The following ZNF280B variants were observed in gnomAD, a reference collection of about 807,000 sequenced individuals.
ZNF280B encodes suppressor of hairy wing homolog 2.
Under a neutral mutation model 38.0 loss-of-function variants are expected in ZNF280B, and 16 were observed. The observed-to-expected ratio is 0.42, with a 90% CI of 0.28 to 0.64. The LOEUF (loss-of-function observed/expected upper bound fraction) is 0.64. ZNF280B is among the 30% of genes least tolerant of loss of function. The pLI, the probability that ZNF280B is intolerant of heterozygous loss-of-function variation, is 0.21. For missense variants in ZNF280B, 581 were observed against 639.6 expected, an observed-to-expected ratio of 0.91 and a Z score of 0.99; for synonymous variants, 253 against 230.6, an observed-to-expected ratio of 1.10 and a Z score of -0.88.
rs770262454 is a variant in ZNF280B, at chr22:22,489,224, T to C, written c.175A>G (p.Asn59Asp). Residue 59 changes from asparagine to aspartate, a missense_variant, in exon 4 of 4, where the codon AAC (asparagine) becomes GAC (aspartate). Asn to Asp is a conservative substitution (Grantham distance 23, BLOSUM62 1). Transcript: ENST00000626650. The part of the protein sequence containing the change: ...VTSNSKPVVS[N>D]ILNRVTPGSW... ...CCCGGGGTGACTCTGTTCAAAATGT[T>C]TGAAACGACTGGTTTTGAATTTGAA... The C allele has an allele frequency of 8.7e-6, 14 of 1,613,742 alleles. No individual in the cohort carries two copies. Among genetic ancestry groups the C allele is most frequent in the Admixed American group, 1.7e-5 (1 of 59,956 alleles).
chr22:22,507,196 CA>C (rs1241140308), intron 2 of ZNF280B, among the ~76,000 whole-genome samples: 1 of 151,928 alleles, frequency 6.6e-6, no homozygotes, highest in African/African-American at 2.4e-5. Flanking sequence ...CAGAGACTGA[CA>C]ATCCAGCCAA....
chr22:22,501,436 C>T (rs141526421), intron 2 of ZNF280B, among the ~76,000 whole-genome samples: 98 of 151,646 alleles, frequency 6.5e-4, no homozygotes, highest in East Asian at 1.8e-3. Context: ...TGGTGGCACG[C>T]GCCTGTAATC....
At chr22:22,504,160 A>G (rs1235587686) in intron 2 of ZNF280B, among the ~76,000 whole-genome samples, 1 of 151,984 alleles carries the variant, frequency 6.6e-6, no homozygotes, top group Non-Finnish European at 1.5e-5. Context: ...CAGGCCGGGC[A>G]TGGTGGCTCA....
At chr22:22,494,742 T>G (rs949018725) in intron 2 of ZNF280B, among the ~76,000 whole-genome samples, 1 of 151,850 alleles carries the variant, frequency 6.6e-6, no homozygotes, top group Admixed American at 6.6e-5. Flanking sequence ...GATCATTGTT[T>G]TTTGTTTTTT....
chr22:22,501,035 A>AAAAAAAAAAAAAC (rs2061810962), intron 2 of ZNF280B, among the ~76,000 whole-genome samples: 4 of 140,298 alleles, frequency 2.9e-5, no homozygotes, highest in Non-Finnish European at 4.6e-5. Flanking sequence ...AAAAAAAAAA[A>AAAAAAAAAAAAAC]AAAAAACAAA....
intron 2 of ZNF280B, among the ~76,000 whole-genome samples, chr22:22,501,384 G>A (rs556712990): frequency 6.6e-6 from 1 of 151,662 alleles, no homozygotes; most frequent in South Asian, 2.1e-4. Flanking sequence ...GGCCAACATA[G>A]CAAAACCCTG....
In ZNF280B at chr22:22,488,999, C is replaced by A; in HGVS notation, c.400G>T (p.Val134Leu). 1 of 1,613,794 alleles carries A rather than the reference C, an allele frequency of 6.2e-7. No homozygotes were observed. The highest frequency in any genetic ancestry group is 1.1e-5 in the South Asian group (1 of 91,048). Reference sequence around the variant, plus strand: ...GGTAATTCTGAAGAGTTATTAGGCACAACTTGTGGTGAACTATTTCTATAA... The same window carrying A: ...GGTAATTCTGAAGAGTTATTAGGCAAAACTTGTGGTGAACTATTTCTATAA... ...PDYRNSSPQV[V>L]PNNSSELPSP... Residue 134 changes from valine (V) to leucine (L), a missense_variant, in exon 4 of 4, where the codon GTG becomes TTG. By Grantham distance (32) the Val-to-Leu change is conservative (BLOSUM62 1). Transcript: ENST00000626650.
Position 22,484,452 on chromosome 22 carries a change from TGATA to T in ZNF280B, c.*3311_*3314del, listed in dbSNP as rs1403610849. 1.3e-5 allele frequency: 2 copies of T among 152,420 alleles called. No homozygotes were observed. The highest frequency in any genetic ancestry group is 2.1e-4 in the South Asian group (1 of 4,826). 9.4% of individuals were successfully genotyped at this position (152,420 alleles called of 1,614,324 possible). On this transcript the variant is annotated 3_prime_UTR_variant, in exon 4 of 4. Coordinates refer to ENST00000626650, the MANE Select transcript of ZNF280B (RefSeq NM_080764.4). The stretch of plus-strand genomic sequence containing the variant: ...TCACAAAACATTTTATTACTATAAT[TGATA>T]TTTTACTTATAATTTTTGGCAACAT...
chr22:22,493,222 T>A (rs1453901458), intron 3 of ZNF280B, among the ~76,000 whole-genome samples: 1 of 151,888 alleles, frequency 6.6e-6, no homozygotes, highest in Non-Finnish European at 1.5e-5. Flanking sequence ...ATGGCCAGGA[T>A]GGTCTTCATC....
intron 2 of ZNF280B, among the ~76,000 whole-genome samples, chr22:22,494,773 G>A (rs1409586527): frequency 2.6e-5 from 4 of 151,858 alleles, no homozygotes; most frequent in East Asian, 2.0e-4. Context: ...GTCTTGCTCT[G>A]TCACCCAGGC....
rs779943210 is a variant in ZNF280B at position 22,488,128 on chromosome 22, G to A, written c.1271C>T (p.Thr424Met). Residue 424 changes from threonine to methionine, a missense_variant, in exon 4 of 4, where the codon ACG becomes ATG. Coordinates refer to ENST00000626650, the MANE Select transcript of ZNF280B (RefSeq NM_080764.4). Reference sequence around the variant, plus strand: ...CAAATTCTTTGTGTTTTCATGGCACGTTCTAAAATGTGTTTCTACATCAGC... The same window carrying A: ...CAAATTCTTTGTGTTTTCATGGCACATTCTAAAATGTGTTTCTACATCAGC... ...VFADVETHFR[T>M]CHENTKNLLC... 7.4e-6 allele frequency: 12 copies of A among 1,613,746 alleles called. No homozygotes were observed. Among genetic ancestry groups the A allele is most frequent in the East Asian group, 2.2e-5 (1 of 44,814 alleles).
At chr22:22,506,767 C>G (rs1040190142) in intron 2 of ZNF280B, among the ~76,000 whole-genome samples, 2 of 151,948 alleles carry the variant, frequency 1.3e-5, no homozygotes, top group African/African-American at 4.8e-5. Context: ...TGTAGAGGTT[C>G]TGGCCTTAGC....
At position 22,487,910 on chromosome 22, in the gene ZNF280B, G is replaced by A; in HGVS notation, c.1489C>T (p.Pro497Ser). The A allele has an allele frequency of 2.5e-6, 4 of 1,613,800 alleles. No homozygotes were observed. The South Asian group carries it at 4.4e-5, about 18-fold the overall frequency. ...ACTTGAATAGTAACTTTTGTTTCAGGAGGTAATCCTTCTAGTTGCTTAGGC... is the reference window on the plus strand; with the variant it reads ...ACTTGAATAGTAACTTTTGTTTCAGAAGGTAATCCTTCTAGTTGCTTAGGC... ...KKPKQLEGLP[P>S]ETKVTIQVSL... is the part of the protein sequence containing the mutation. Residue 497 changes from proline to serine, a missense_variant, in exon 4 of 4, where the codon CCT becomes TCT. By Grantham distance (74) the Pro-to-Ser change is moderately conservative (BLOSUM62 -1). Transcript: ENST00000626650.
chr22:22,495,151 C>A (rs902777515), intron 2 of ZNF280B, among the ~76,000 whole-genome samples: 3 of 151,876 alleles, frequency 2.0e-5, no homozygotes, highest in African/African-American at 7.3e-5. Context: ...TCTTCTGAAC[C>A]CCAGGATTGT....
rs2061516679 is a variant in ZNF280B, at chr22:22,487,472, A to T, written c.*295T>A. ...TAAAAAAAAAAAAAAAAAAAAAAAA[A>T]AAAATTAAAATTAAAAAAATAAATT... On this transcript the variant is annotated 3_prime_UTR_variant, in exon 4 of 4. Transcript: ENST00000626650. 1 of 165,674 alleles carries T rather than the reference A, an allele frequency of 6.0e-6. No homozygotes were observed. The highest frequency in any genetic ancestry group is 1.3e-5 in the Non-Finnish European group (1 of 79,030). The allele number at this position is 165,674 out of a possible 1,614,324, so 10.3% of individuals were successfully genotyped here.
In ZNF280B at chr22:22,498,022, G is replaced by A. The variant is rs369612588; in HGVS notation, c.-186-3842C>T. On this transcript the variant is annotated intron_variant, in intron 2 of 3. Coordinates refer to ENST00000626650, the MANE Select transcript of ZNF280B (RefSeq NM_080764.4). Reference sequence around the variant, plus strand: ...ATACATACAACAGAATGTTTATTCAGCCATAAAAGAAACGACATACTGATA... The same window carrying A: ...ATACATACAACAGAATGTTTATTCAACCATAAAAGAAACGACATACTGATA... Among the ~76,000 whole-genome samples, 39 of 151,998 alleles carry A rather than the reference G, an allele frequency of 2.6e-4. No homozygotes were observed. The East Asian group carries it at 5.7e-3, about 22-fold the overall frequency.
rs111400325 is a variant in ZNF280B, at chr22:22,495,005, C to T, written c.-186-825G>A. The stretch of plus-strand genomic sequence containing the variant: ...CCTCCCAAAGTGCTGGGATTACAGG[C>T]GTGAGCCACCGTGCCCAGCCTCTAG... On this transcript the variant is annotated intron_variant, in intron 2 of 3. Transcript: ENST00000626650. 3.3e-5 allele frequency among the ~76,000 whole-genome samples: 5 copies of T among 152,062 alleles called. 1 individual carries two copies. The highest frequency in any genetic ancestry group is 7.2e-5 in the African/African-American group (3 of 41,498).
At chr22:22,496,261 T>C (rs989473841) in intron 2 of ZNF280B, among the ~76,000 whole-genome samples, 19 of 151,196 alleles carry the variant, frequency 1.3e-4, no homozygotes, top group African/African-American at 4.4e-4. Flanking sequence ...CATGCCTGGT[T>C]AATTTTTTGT....
intron 2 of ZNF280B, among the ~76,000 whole-genome samples, chr22:22,499,304 G>C (rs1001242288): frequency 1.3e-4 from 20 of 149,852 alleles, no homozygotes; most frequent in Admixed American, 9.3e-4. Context: ...CATTCTTGTT[G>C]CCCAGGCTGG....
Sources: gnomAD v4.1 joint callset for allele counts (sites outside exome capture counted in the v4.1 genomes callset) on GRCh38, gnomAD v4.1.1 for gene constraint, MANE v1.5 for transcripts, NCBI Gene and HGNC (gene_info 2026-07-23, HGNC 2026-07-21) for gene names.